The following SYN3 variants were observed in gnomAD, a reference collection of about 807,000 sequenced individuals.
The protein encoded by SYN3 is synapsin-3.
SYN3 carries 35 observed loss-of-function variants against 65.8 expected under a neutral mutation model. The ratio of observed to expected loss-of-function variants is 0.53; its 90% CI spans 0.41 to 0.70. The LOEUF (loss-of-function observed/expected upper bound fraction) is 0.70, where lower values mean the gene tolerates loss of function less well. SYN3 is among the 30% of genes least tolerant of loss of function. The pLI, the probability that SYN3 is intolerant of heterozygous loss-of-function variation, is 0.00. For missense variants in SYN3, 680 were observed against 749.0 expected, an observed-to-expected ratio of 0.91 and a Z score of 1.08; for synonymous variants, 270 against 292.9, an observed-to-expected ratio of 0.92 and a Z score of 0.80.
rs1238893279 is a variant in SYN3, at chr22:33,058,364, C to G, written c.-235G>C. On this transcript the variant is annotated 5_prime_UTR_variant, in exon 1 of 14. Transcript: ENST00000358763. The stretch of plus-strand genomic sequence containing the variant: ...GCCCGCCAGTCGATCCGCTCCGGGT[C>G]CCGGGAGCTCAGCCTCTGCCCCTCA... 2 of 151,506 alleles carry G rather than the reference C, an allele frequency of 1.3e-5. No homozygotes were observed. The highest frequency in any genetic ancestry group is 4.8e-5 in the African/African-American group (2 of 41,348). 9.4% of individuals were successfully genotyped at this position (151,506 alleles called of 1,614,324 possible). A position where few individuals can be genotyped will look rare whatever the true frequency, so the allele number is the denominator to read the frequency against.
chr22:32,637,258 C>T (rs1324646520), intron 6 of SYN3, among the ~76,000 whole-genome samples: 2 of 152,216 alleles, frequency 1.3e-5, no homozygotes, highest in Non-Finnish European at 2.9e-5. Context: ...CTGTGTGAGG[C>T]TGAGCAAGTT....
chr22:32,649,221 C>G (rs1403229294), intron 6 of SYN3, among the ~76,000 whole-genome samples: 2 of 152,204 alleles, frequency 1.3e-5, no homozygotes, highest in East Asian at 3.9e-4. Flanking sequence ...GGGTATGACC[C>G]TCTTGTACTG....
chr22:33,055,357 CT>C (rs2054237830), intron 1 of SYN3, among the ~76,000 whole-genome samples: 1 of 152,238 alleles, frequency 6.6e-6, no homozygotes, highest in African/African-American at 2.4e-5. Context: ...CCACAATAGC[CT>C]CCATTCCTCC....
At chr22:32,869,630 G>A (rs2048793716) in intron 4 of SYN3, among the ~76,000 whole-genome samples, 1 of 150,298 alleles carries the variant, frequency 6.7e-6, no homozygotes, top group African/African-American at 2.4e-5. Flanking sequence ...GGCCAGGTCT[G>A]TGTAGCCTCA....
At chr22:32,929,880 C>T (rs1264286002) in intron 4 of SYN3, among the ~76,000 whole-genome samples, 4 of 152,154 alleles carry the variant, frequency 2.6e-5, no homozygotes, top group Non-Finnish European at 4.4e-5. Flanking sequence ...TGGCTTTGTA[C>T]TCATTTACCT....
At chr22:33,020,307 ACTT>A (rs944048019) in intron 1 of SYN3, among the ~76,000 whole-genome samples, 4 of 152,166 alleles carry the variant, frequency 2.6e-5, no homozygotes, top group African/African-American at 9.7e-5. Flanking sequence ...CATCTTCCTC[ACTT>A]CTTCTTCTTC....
chr22:32,600,462 T>C (rs2858733), intron 6 of SYN3, among the ~76,000 whole-genome samples: 25,769 of 152,134 alleles, frequency 0.17, 2,760 homozygotes, highest in African/African-American at 0.28. Flanking sequence ...GGACCTGTAC[T>C]GGTCTGTGGC....
intron 6 of SYN3, among the ~76,000 whole-genome samples, chr22:32,650,454 C>T (rs142914342): frequency 1.3e-5 from 2 of 151,844 alleles, no homozygotes; most frequent in African/African-American, 4.8e-5. Context: ...TTTGTGGAGA[C>T]GGAGTTTCAC....
chr22:32,813,228 G>A (rs1189833118), intron 6 of SYN3, among the ~76,000 whole-genome samples: 4 of 152,148 alleles, frequency 2.6e-5, no homozygotes, highest in Non-Finnish European at 5.9e-5. Flanking sequence ...TACTAAAAAT[G>A]ATTTCTTTAT....
In SYN3 at chr22:32,644,099, A is replaced by AAAG. The variant is rs1569118824; in HGVS notation, c.712-47364_712-47363insCTT. 9.4e-5 allele frequency among the ~76,000 whole-genome samples: 2 copies of AAAG among 21,274 alleles called. 1 individual carries two copies. 14.0% of individuals were successfully genotyped at this position (21,274 alleles called of 152,430 possible). ...AAAAAAAAAAAAAAAAAAAAAAAAAAAAAGCGACAAGACTGACTGATGATG... is the reference window on the plus strand; with the variant it reads ...AAAAAAAAAAAAAAAAAAAAAAAAAAAAGAAAGCGACAAGACTGACTGATGATG... On this transcript the variant is annotated intron_variant, in intron 6 of 13. Transcript: ENST00000358763.
At chr22:32,609,340 TAAATA>T (rs1356927526) in intron 6 of SYN3, among the ~76,000 whole-genome samples, 2 of 151,910 alleles carry the variant, frequency 1.3e-5, no homozygotes, top group Non-Finnish European at 2.9e-5. Flanking sequence ...AATAAATAAA[TAAATA>T]AAATAAAATA....
At chr22:32,858,493 T>C (rs1260564057) in intron 6 of SYN3, among the ~76,000 whole-genome samples, 1 of 152,066 alleles carries the variant, frequency 6.6e-6, no homozygotes, top group Non-Finnish European at 1.5e-5. Flanking sequence ...TCAAGTGGGC[T>C]CACCCTGGTA....
At chr22:33,006,079 C>A (rs1367679401) in intron 2 of SYN3, among the ~76,000 whole-genome samples, 1 of 152,156 alleles carries the variant, frequency 6.6e-6, no homozygotes, top group Non-Finnish European at 1.5e-5. Flanking sequence ...AAAACATTTT[C>A]TAGTTTCCAG....
chr22:32,600,029 G>C (rs1193592653), intron 6 of SYN3, among the ~76,000 whole-genome samples: 1 of 152,122 alleles, frequency 6.6e-6, no homozygotes, highest in East Asian at 1.9e-4. Flanking sequence ...CGAACTAGAG[G>C]GGGATGAGGG....
intron 6 of SYN3, among the ~76,000 whole-genome samples, chr22:32,615,441 A>AAAAAAG (rs2059503935): frequency 1.3e-5 from 2 of 150,714 alleles, no homozygotes; most frequent in African/African-American, 2.4e-5. Context: ...CTAAAAAAAA[A>AAAAAAG]AAAAAAAAAA....
intron 6 of SYN3, among the ~76,000 whole-genome samples, chr22:32,663,896 A>C (rs1468238021): frequency 7.2e-5 from 11 of 151,928 alleles, no homozygotes; most frequent in African/African-American, 2.7e-4. Context: ...GTGGAAGGAA[A>C]GAAAAAGCTT....
At chr22:32,886,967 C>T (rs775266133) in intron 4 of SYN3, among the ~76,000 whole-genome samples, 8 of 152,220 alleles carry the variant, frequency 5.3e-5, no homozygotes, top group South Asian at 2.1e-4. Flanking sequence ...TTGCTGAATA[C>T]GGCAAAGGAG....
At chr22:32,841,979 C>G (rs2047919669) in intron 6 of SYN3, among the ~76,000 whole-genome samples, 1 of 152,160 alleles carries the variant, frequency 6.6e-6, no homozygotes, top group Non-Finnish European at 1.5e-5. Context: ...CGAGCCTGCA[C>G]CTCGATGACC....
chr22:32,538,233 T>A, intron 8 of SYN3, 123 bp from the exon 9 acceptor site: 1 of 799,084 alleles, frequency 1.3e-6, no homozygotes, highest in Non-Finnish European at 2.2e-6. Flanking sequence ...ATGGCATGTA[T>A]TCTTACGTAC....
Sources: gnomAD v4.1 joint callset for allele counts (sites outside exome capture counted in the v4.1 genomes callset) on GRCh38, gnomAD v4.1.1 for gene constraint, MANE v1.5 for transcripts, NCBI Gene and HGNC (gene_info 2026-07-23, HGNC 2026-07-21) for gene names.